Variants in PRAF2 observed in about 807,000 individuals in gnomAD.
The protein encoded by PRAF2 is PRA1 family protein 2.
In PRAF2, 5 loss-of-function variants were observed where a neutral mutation model predicts 9.7. The observed-to-expected ratio is 0.51, with a 90% confidence interval of 0.27 to 1.08. PRAF2 has a LOEUF of 1.08. Ranked by LOEUF, PRAF2 falls within the 50% of genes least tolerant of loss-of-function variation. The pLI is 0.12. For synonymous variants in PRAF2, 61 were observed against 76.6 expected (o/e 0.80, Z 1.06); for missense variants, 135 against 160.7 (o/e 0.84, Z 0.86).
In PRAF2 at chrX:49,073,868, G is replaced by A. The variant is rs141546802; in HGVS notation, c.120C>T (p.Asn40=). ...PQRWCHRVIN[N]LLYYQTNYLL... ...GGTAGTTGGTTTGGTAGTAGAGGAG[G>A]TTGTTGATGACGCGGTGGCACCATC... Residue 40 remains asparagine, a synonymous_variant, in exon 1 of 3, where the codon AAC becomes AAT. Transcript: ENST00000553851. 4 of 1,211,446 alleles carry A rather than the reference G, an allele frequency of 3.3e-6. No homozygotes were observed. In the African/African-American group the frequency reaches 5.2e-5, roughly 16 times the overall value.
Position 49,073,843 on chromosome X carries a change from G to A in PRAF2, c.145C>T (p.Leu49Phe), listed in dbSNP as rs781867936. ...NNLLYYQTNY[L>F]LCFGIGLALA... is the part of the protein sequence containing the mutation. ...GCGAGGCCGATGCCGAAGCAGAGAA[G>A]GTAGTTGGTTTGGTAGTAGAGGAGG... Residue 49 changes from leucine to phenylalanine, a missense_variant, in exon 1 of 3, where the codon CTT becomes TTT. By Grantham distance (22) the Leu-to-Phe change is conservative (BLOSUM62 0). Transcript: ENST00000553851. 1.7e-6 allele frequency: 2 copies of A among 1,211,396 alleles called. No homozygotes were observed. Among genetic ancestry groups the A allele is most frequent in the South Asian group, 1.8e-5 (1 of 56,957 alleles).
chrX:49,072,063 A>G, intron 2 of PRAF2, 55 bp from the exon 3 acceptor site: 5 of 1,148,733 alleles, frequency 4.4e-6, no homozygotes, highest in Non-Finnish European at 5.8e-6. Flanking sequence ...CCTGCAGCCA[A>G]CCGGGGCCCA....
intron 1 of PRAF2, 98 bp from the exon 2 acceptor site, chrX:49,072,748 C>T (rs1372074093): frequency 3.8e-5 from 32 of 846,024 alleles, no homozygotes; most frequent in Non-Finnish European, 5.4e-5. Flanking sequence ...CTCCCGTCTC[C>T]GGACACTCCA....
At chrX:49,072,033 G>A in intron 2 of PRAF2, 25 bp from the exon 3 acceptor site, 1 of 1,196,669 alleles carries the variant, frequency 8.4e-7, no homozygotes, top group South Asian at 1.8e-5. Flanking sequence ...GAGAGGGGTG[G>A]TCAGTGGAAT....
chrX:49,071,902 C>A lies in PRAF2; in HGVS notation c.504G>T (p.Glu168Asp). The change falls in exon 3 of 3, where the codon GAG becomes GAT. Residue 168 changes from glutamate to aspartate, a missense_variant. Transcript: ENST00000553851. The stretch of plus-strand genomic sequence containing the variant: ...CAGCCTCCTGCTCTTGTCCCAGTGC[C>A]TCTAGTAGCAGGCCCATTGGCGTCC... ...LKRTPMGLLL[E>D]ALGQEQEAGS 1 of 1,210,987 alleles carries A rather than the reference C, an allele frequency of 8.3e-7. No individual in the cohort carries two copies. Among genetic ancestry groups the A allele is most frequent in the Non-Finnish European group, 1.1e-6 (1 of 895,168 alleles).
At position 49,071,678 on chromosome X, in the gene PRAF2, A is replaced by C; in HGVS notation, c.*191T>G. On this transcript the variant is annotated 3_prime_UTR_variant, in exon 3 of 3. Transcript: ENST00000553851. The stretch of plus-strand genomic sequence containing the variant: ...CTGGGGAAGACTCTTGTCCCTAGGT[A>C]ATGGGGGCTGGGTGTGAGGGATATC... 4 of 397,757 alleles carry C rather than the reference A, an allele frequency of 1.0e-5. No individual in the cohort carries two copies. The highest frequency in any genetic ancestry group is 1.7e-5 in the Non-Finnish European group (4 of 240,964). 32.8% of individuals were successfully genotyped at this position (397,757 alleles called of 1,213,427 possible). A position where few individuals can be genotyped will look rare whatever the true frequency, so the allele number is the denominator to read the frequency against.
rs1557083175 is a variant in PRAF2, at chrX:49,071,936, C to A, written c.470G>T (p.Gly157Val). 1.7e-6 allele frequency: 2 copies of A among 1,208,923 alleles called. No homozygotes were observed. The highest frequency in any genetic ancestry group is 3.5e-5 in the African/African-American group (2 of 56,964). The change falls in exon 3 of 3, where the codon GGT (glycine) becomes GTT (valine). Residue 157 changes from glycine (G) to valine (V), a missense_variant. Physicochemically the swap from Gly to Val is moderately radical, Grantham distance 109. Transcript: ENST00000553851. ...CAGGCCCATTGGCGTCCGCTTGAGA[C>A]CAATGCTCTCGATCTTGTTCTCAAT... ...NKIENKIESI[G>V]LKRTPMGLLL...
At chrX:49,072,240 G>T in intron 2 of PRAF2, 193 bp downstream of exon 2, 1 of 598,789 alleles carries the variant, frequency 1.7e-6, no homozygotes, top group Non-Finnish European at 2.6e-6. Flanking sequence ...CCAAGAGTGA[G>T]ATAGGAAAGG....
intron 2 of PRAF2, chrX:49,072,231 C>A: frequency 1.7e-6 from 1 of 597,931 alleles, no homozygotes. Context: ...CACTTAACAC[C>A]AAGAGTGAGA....
At chrX:49,073,154 G>A (rs2147812816) in intron 1 of PRAF2, among the ~76,000 whole-genome samples, 1 of 110,383 alleles carries the variant, frequency 9.1e-6, no homozygotes, top group South Asian at 3.9e-4. Context: ...CCTCTTCCAG[G>A]TCGTCAGCCC....
Position 49,071,732 on chromosome X carries a change from C to T in PRAF2, c.*137G>A, listed in dbSNP as rs2065011528. The T allele has an allele frequency of 8.8e-6, 6 of 682,346 alleles. No homozygotes were observed. Among genetic ancestry groups the T allele is most frequent in the Admixed American group, 4.3e-5 (1 of 23,351 alleles). 56.2% of individuals were successfully genotyped at this position (682,346 alleles called of 1,213,427 possible). A position where few individuals can be genotyped will look rare whatever the true frequency, so the allele number is the denominator to read the frequency against. On this transcript the variant is annotated 3_prime_UTR_variant, in exon 3 of 3. Transcript: ENST00000553851. The stretch of plus-strand genomic sequence containing the variant: ...GTTTGGGGCTGGCGTGGGGGTAGGG[C>T]GGTCACAGATGTCCTGTTTTGTTTG...
chrX:49,073,979 C>T lies in PRAF2; in HGVS notation c.9G>A (p.Glu3=), dbSNP rs1557083605. 2 of 1,199,694 alleles carry T rather than the reference C, an allele frequency of 1.7e-6. No homozygotes were observed. Among genetic ancestry groups the T allele is most frequent in the South Asian group, 3.6e-5 (2 of 55,774 alleles). Reference sequence around the variant, plus strand: ...GGGCGCGTAGCGGTGGCAGCCGCACCTCCGACATCCTGCCGGTTAATGTGG... The same window carrying T: ...GGGCGCGTAGCGGTGGCAGCCGCACTTCCGACATCCTGCCGGTTAATGTGG... MS[E]VRLPPLRALD... The change falls in exon 1 of 3, where the codon GAG becomes GAA. Residue 3 remains glutamate, a synonymous_variant. Transcript: ENST00000553851.
chrX:49,072,791 A>C, intron 1 of PRAF2, 141 bp from the exon 2 acceptor site: 4 of 575,299 alleles, frequency 7.0e-6, no homozygotes, highest in Non-Finnish European at 1.1e-5. Flanking sequence ...CCCTATCTCC[A>C]GCAGGCCCAT....
At position 49,072,404 on chromosome X, in the gene PRAF2, C is replaced by T. The variant is rs782441647; in HGVS notation, c.397+29G>A. ...CCTTAAGCATGCTCTGGCTGCTTTC[C>T]TGGCTATCTCGGGGTAGTGGAGACT... On this transcript the variant is annotated intron_variant, in intron 2 of 2. Transcript: ENST00000553851. 6.0e-6 allele frequency: 7 copies of T among 1,173,897 alleles called. No homozygotes were observed. The South Asian group carries it at 1.1e-4, about 19-fold the overall frequency.
At chrX:49,073,215 C>T (rs1410764625) in intron 1 of PRAF2, among the ~76,000 whole-genome samples, 1 of 111,083 alleles carries the variant, frequency 9.0e-6, no homozygotes, top group African/African-American at 3.3e-5. Context: ...TTCTCCATCC[C>T]TCTCTGGTCT....
intron 2 of PRAF2, 21 bp from the exon 3 acceptor site, chrX:49,072,029 G>A: frequency 8.4e-7 from 1 of 1,195,807 alleles, no homozygotes; most frequent in Non-Finnish European, 1.1e-6. Flanking sequence ...CACCGAGAGG[G>A]GTGGTCAGTG....
Position 49,073,910 on chromosome X carries a change from A to G in PRAF2, c.78T>C (p.Asp26=), listed in dbSNP as rs1466642803. 8.3e-7 allele frequency: 1 copy of G among 1,210,751 alleles called. No homozygotes were observed. The highest frequency in any genetic ancestry group is 3.0e-5 in the East Asian group (1 of 33,776). The change falls in exon 1 of 3, where the codon GAT becomes GAC. Residue 26 remains aspartate (D), a synonymous_variant. Coordinates refer to ENST00000553851, the MANE Select transcript of PRAF2 (RefSeq NM_007213.3). The stretch of plus-strand genomic sequence containing the variant: ...GGCACCATCGCTGCGGGTCGCATGG[A>G]TCCGGAGCCGCCAGACGCGCCGACC... ...VLGSARLAAP[D]PCDPQRWCHR...
At position 49,071,805 on chromosome X, in the gene PRAF2, G is replaced by A; in HGVS notation, c.*64C>T. 1 of 1,126,642 alleles carries A rather than the reference G, an allele frequency of 8.9e-7. No individual in the cohort carries two copies. The highest frequency in any genetic ancestry group is 1.2e-6 in the Non-Finnish European group (1 of 851,047). 92.8% of individuals were successfully genotyped at this position (1,126,642 alleles called of 1,213,427 possible). A position where few individuals can be genotyped will look rare whatever the true frequency, so the allele number is the denominator to read the frequency against. ...TTTTAAGTGCTGGGAAAGGGCTCTGGGTCCCAATTATGGGCTGGGGGTGGG... is the reference window on the plus strand; with the variant it reads ...TTTTAAGTGCTGGGAAAGGGCTCTGAGTCCCAATTATGGGCTGGGGGTGGG... On this transcript the variant is annotated 3_prime_UTR_variant, in exon 3 of 3. Coordinates refer to ENST00000553851, the MANE Select transcript of PRAF2 (RefSeq NM_007213.3).
In PRAF2 at chrX:49,071,702, T is replaced by G; in HGVS notation, c.*167A>C. 2.0e-6 allele frequency: 1 copy of G among 492,541 alleles called. No individual in the cohort carries two copies. The highest frequency in any genetic ancestry group is 3.2e-6 in the Non-Finnish European group (1 of 314,581). The allele number at this position is 492,541 out of a possible 1,213,427, so 40.6% of individuals were successfully genotyped here. On this transcript the variant is annotated 3_prime_UTR_variant, in exon 3 of 3. Transcript: ENST00000553851. ...TAATGGGGGCTGGGTGTGAGGGATATCTTAGTTTGGGGCTGGCGTGGGGGT... is the reference window on the plus strand; with the variant it reads ...TAATGGGGGCTGGGTGTGAGGGATAGCTTAGTTTGGGGCTGGCGTGGGGGT...
Sources: allele counts gnomAD v4.1 joint callset (sites outside exome capture counted in the v4.1 genomes callset), GRCh38; gene constraint gnomAD v4.1.1; transcripts MANE v1.5; gene names NCBI Gene and HGNC (gene_info 2026-07-23, HGNC 2026-07-21).